Variants in NMNAT3 observed in about 807,000 individuals in gnomAD.
NMNAT3 encodes nicotinamide/nicotinic acid mononucleotide adenylyltransferase 3.
A neutral mutation model predicts 24.8 loss-of-function variants in NMNAT3; 21 were observed. That is an observed-to-expected ratio of 0.85 (90% CI 0.60 to 1.22). The LOEUF is 1.22. Among genes scored for constraint, NMNAT3 ranks in the 50% most tolerant of loss-of-function variants. The pLI is 0.00. For synonymous variants in NMNAT3, 136 were observed against 155.2 expected (o/e 0.88, Z 0.92); for missense variants, 387 against 436.6 (o/e 0.89, Z 1.01).
At chr3:139,586,165 G>T (rs1324668357) in intron 3 of NMNAT3, among the ~76,000 whole-genome samples, 2 of 152,170 alleles carry the variant, frequency 1.3e-5, no homozygotes, top group Non-Finnish European at 2.9e-5. Flanking sequence ...CTAAGTGGAA[G>T]CTAATGATGA....
At chr3:139,608,646 T>G (rs964533316) in intron 3 of NMNAT3, among the ~76,000 whole-genome samples, 3 of 152,202 alleles carry the variant, frequency 2.0e-5, no homozygotes, top group African/African-American at 7.2e-5. Flanking sequence ...TTACCCCCAA[T>G]GGTAACATCT....
chr3:139,647,385 A>C (rs1239455296), intron 1 of NMNAT3, among the ~76,000 whole-genome samples: 1 of 152,236 alleles, frequency 6.6e-6, no homozygotes, highest in Non-Finnish European at 1.5e-5. Context: ...GTGCCCCAGC[A>C]GTAAAATATA....
intron 2 of NMNAT3, among the ~76,000 whole-genome samples, chr3:139,630,180 G>T (rs186205564): frequency 1.3e-5 from 2 of 152,306 alleles, no homozygotes; most frequent in African/African-American, 4.8e-5. Flanking sequence ...AAGAACACAA[G>T]AGCTTTTTTA....
At chr3:139,612,727 T>G (rs561518977) in intron 3 of NMNAT3, among the ~76,000 whole-genome samples, 1 of 152,126 alleles carries the variant, frequency 6.6e-6, no homozygotes, top group Non-Finnish European at 1.5e-5. Flanking sequence ...AGTAAGCACA[T>G]GGTGAGCGAG....
chr3:139,570,451 G>C (rs1489539563), intron 6 of NMNAT3: 1 of 152,094 alleles, frequency 6.6e-6, no homozygotes, highest in Non-Finnish European at 1.5e-5. Flanking sequence ...TTTCTGCTCT[G>C]TTTTTTTCCC....
intron 2 of NMNAT3, 187 bp from the exon 3 acceptor site, chr3:139,634,834 G>A (rs143174152): frequency 2.2e-4 from 34 of 152,280 alleles, no homozygotes; most frequent in African/African-American, 6.7e-4. Flanking sequence ...AATAAAGTAC[G>A]TCTGAGTAAC....
intron 1 of NMNAT3, among the ~76,000 whole-genome samples, chr3:139,644,012 C>T (rs2056791444): frequency 6.6e-6 from 1 of 152,150 alleles, no homozygotes; most frequent in Non-Finnish European, 1.5e-5. Flanking sequence ...TTGAGATTTA[C>T]CCAGTTGCCT....
chr3:139,672,262 A>G (rs1184538555), intron 1 of NMNAT3, among the ~76,000 whole-genome samples: 1 of 152,082 alleles, frequency 6.6e-6, no homozygotes, highest in African/African-American at 2.4e-5. Flanking sequence ...TTGACACTTC[A>G]TTTTTATAAG....
chr3:139,629,266 C>T (rs1239302872), intron 2 of NMNAT3, among the ~76,000 whole-genome samples: 1 of 152,130 alleles, frequency 6.6e-6, no homozygotes, highest in Non-Finnish European at 1.5e-5. Context: ...CCTCTGGTGG[C>T]CAACAGCCAG....
chr3:139,598,738 C>T (rs559892764), intron 3 of NMNAT3, among the ~76,000 whole-genome samples: 2 of 152,238 alleles, frequency 1.3e-5, no homozygotes, highest in East Asian at 3.9e-4. Flanking sequence ...TTGTTATATA[C>T]TGATAACTGG....
intron 2 of NMNAT3, among the ~76,000 whole-genome samples, chr3:139,628,306 C>T (rs1188887714): frequency 2.0e-5 from 3 of 152,196 alleles, no homozygotes; most frequent in Non-Finnish European, 2.9e-5. Context: ...CCAATGTTAA[C>T]ATTTTACCAC....
At chr3:139,637,097 C>T (rs2056530032) in intron 2 of NMNAT3, 1 of 152,240 alleles carries the variant, frequency 6.6e-6, no homozygotes, top group Non-Finnish European at 1.5e-5. Flanking sequence ...TCAAAGCCAA[C>T]AAGTACTTTC....
chr3:139,650,126 G>A (rs1210815376), intron 1 of NMNAT3, among the ~76,000 whole-genome samples: 1 of 152,174 alleles, frequency 6.6e-6, no homozygotes, highest in Non-Finnish European at 1.5e-5. Context: ...TACTTCTTAA[G>A]CGATGGCTCT....
At chr3:139,631,691 A>G (rs2056304998) in intron 2 of NMNAT3, among the ~76,000 whole-genome samples, 1 of 151,552 alleles carries the variant, frequency 6.6e-6, no homozygotes, top group South Asian at 2.1e-4. Flanking sequence ...TCATCTAGAC[A>G]GCATTTCATC....
At position 139,656,842 on chromosome 3, in the gene NMNAT3, C is replaced by T. The variant is rs1006825448; in HGVS notation, c.-140-18780G>A. ...TATTTGTGGTAGAAAACAGGAATTCCAAATCTTATTATTTTCACATTTTGA... is the reference window on the plus strand; with the variant it reads ...TATTTGTGGTAGAAAACAGGAATTCTAAATCTTATTATTTTCACATTTTGA... On this transcript the variant is annotated intron_variant, in intron 1 of 6. Transcript: ENST00000643695. Among the ~76,000 whole-genome samples, 4 of 151,970 alleles carry T rather than the reference C, an allele frequency of 2.6e-5. No individual in the cohort carries two copies. In the Admixed American group the frequency reaches 2.6e-4, roughly 10 times the overall value.
intron 1 of NMNAT3, among the ~76,000 whole-genome samples, chr3:139,662,507 A>T (rs1483473245): frequency 6.6e-6 from 1 of 152,142 alleles, no homozygotes; most frequent in Non-Finnish European, 1.5e-5. Flanking sequence ...TAAGGCCATG[A>T]GGGTAGGCAG....
chr3:139,591,397 C>G (rs1260900555), intron 3 of NMNAT3, among the ~76,000 whole-genome samples: 1 of 151,080 alleles, frequency 6.6e-6, no homozygotes, highest in Admixed American at 6.6e-5. Flanking sequence ...CGGGAAGGGG[C>G]GCCCGCCATT....
intron 3 of NMNAT3, among the ~76,000 whole-genome samples, chr3:139,626,931 C>A (rs1479443877): frequency 6.6e-6 from 1 of 151,994 alleles, no homozygotes; most frequent in Non-Finnish European, 1.5e-5. Flanking sequence ...ATACATAATA[C>A]ATTCATAAAT....
chr3:139,564,635 C>A, intron 6 of NMNAT3, among the ~76,000 whole-genome samples: 1 of 152,224 alleles, frequency 6.6e-6, no homozygotes, highest in Non-Finnish European at 1.5e-5. Context: ...ATGGGCAAAG[C>A]AAGGCTCTGG....
Sources: gnomAD v4.1 joint callset for allele counts (sites outside exome capture counted in the v4.1 genomes callset) on GRCh38, gnomAD v4.1.1 for gene constraint, MANE v1.5 for transcripts, NCBI Gene and HGNC (gene_info 2026-07-23, HGNC 2026-07-21) for gene names.